PTGS2: variants seen among roughly 807,000 people sequenced by gnomAD.
The protein encoded by PTGS2 is prostaglandin G/H synthase 2.
A neutral mutation model predicts 63.8 loss-of-function variants in PTGS2; 14 were observed. That is an observed-to-expected ratio of 0.22 (90% CI 0.14 to 0.34). The LOEUF is 0.34. PTGS2 is among the 10% of genes least tolerant of loss of function. The pLI is 1.00. For synonymous variants in PTGS2, 271 were observed against 259.5 expected (o/e 1.04, Z -0.43); for missense variants, 533 against 738.5 (o/e 0.72, Z 3.23).
chr1:186,678,464 T>C lies in PTGS2; in HGVS notation c.314-60A>G, dbSNP rs993658313. 7.6e-6 allele frequency: 11 copies of C among 1,443,166 alleles called. No individual in the cohort carries two copies. In the African/African-American group the frequency reaches 1.0e-4, roughly 13 times the overall value. 89.4% of individuals were successfully genotyped at this position (1,443,166 alleles called of 1,614,324 possible). A position where few individuals can be genotyped will look rare whatever the true frequency, so the allele number is the denominator to read the frequency against. On this transcript the variant is annotated intron_variant, in intron 3 of 9. Transcript: ENST00000367468. The stretch of plus-strand genomic sequence containing the variant: ...TCTCATTTGTTAAGTAAATCAACCA[T>C]TATTTTTATTGTAAAATGTGGAAAG...
intron 4 of PTGS2, 93 bp from the exon 5 acceptor site, chr1:186,677,923 G>C: frequency 8.2e-7 from 1 of 1,226,048 alleles, no homozygotes; most frequent in South Asian, 1.4e-5. Flanking sequence ...TCATTTATAT[G>C]AGAATTACAA....
rs779244806 is a variant in PTGS2 at position 186,680,278 on chromosome 1, C to T, written c.13G>A (p.Ala5Thr). Residue 5 changes from alanine (A) to threonine (T), a missense_variant, in exon 1 of 10, where the codon GCC becomes ACC. Coordinates refer to ENST00000367468, the MANE Select transcript of PTGS2 (RefSeq NM_000963.4). MLAR[A>T]LLLCAVLALS... Reference sequence around the variant, plus strand: ...GCCAGGACCGCGCACAGCAGCAGGGCGCGGGCGAGCATCGCAGCGGCGGGC... The same window carrying T: ...GCCAGGACCGCGCACAGCAGCAGGGTGCGGGCGAGCATCGCAGCGGCGGGC... 3.9e-6 allele frequency: 6 copies of T among 1,544,338 alleles called. No homozygotes were observed. Among genetic ancestry groups the T allele is most frequent in the South Asian group, 3.6e-5 (3 of 83,718 alleles).
intron 8 of PTGS2, 152 bp from the exon 9 acceptor site, chr1:186,675,548 GAGCTCTGCTTAAAATTCAATGGGACACC>G (rs1191507610): frequency 1.1e-6 from 1 of 912,990 alleles, no homozygotes; most frequent in Non-Finnish European, 1.6e-6. Context: ...ATTTCAACAG[GAGCTCTGCTTAAAATTCAATGGGACACC>G]AGCCTAGAAC....
chr1:186,675,664 T>A, intron 8 of PTGS2: 1 of 613,404 alleles, frequency 1.6e-6, no homozygotes, highest in Non-Finnish European at 2.7e-6. Context: ...TTATAGATAC[T>A]TTTTGAAAAT....
chr1:186,678,923 G>T, intron 3 of PTGS2, 135 bp downstream of exon 3: 1 of 1,136,090 alleles, frequency 8.8e-7, no homozygotes, highest in Non-Finnish European at 1.2e-6. Flanking sequence ...CGATTAAGAT[G>T]GAAGGCAAAC....
At chr1:186,677,550 G>A in intron 5 of PTGS2, 99 bp downstream of exon 5, 3 of 1,225,370 alleles carry the variant, frequency 2.4e-6, no homozygotes, top group Non-Finnish European at 2.2e-6. Context: ...AAGTGGATAA[G>A]TTATTTGGAT....
chr1:186,674,346 T>C lies in PTGS2; in HGVS notation c.*7A>G, dbSNP rs1283691765. ...CATATAAATAAATAAATATGATCATTAGACTTCTACAGTTCAGTCGAACGT... is the reference window on the plus strand; with the variant it reads ...CATATAAATAAATAAATATGATCATCAGACTTCTACAGTTCAGTCGAACGT... On this transcript the variant is annotated 3_prime_UTR_variant, in exon 10 of 10. Transcript: ENST00000367468. 6 of 1,541,730 alleles carry C rather than the reference T, an allele frequency of 3.9e-6. No individual in the cohort carries two copies. Among genetic ancestry groups the C allele is most frequent in the Non-Finnish European group, 5.3e-6 (6 of 1,135,378 alleles).
At chr1:186,680,132 T>C (rs980255270) in intron 1 of PTGS2, 107 bp downstream of exon 1, 3 of 1,494,168 alleles carry the variant, frequency 2.0e-6, no homozygotes, top group Middle Eastern at 1.8e-4. Flanking sequence ...GTAGCTTCTC[T>C]ATTCGGAGAG....
Position 186,679,450 on chromosome 1 carries a change from G to A in PTGS2, c.53-12C>T. The A allele has an allele frequency of 6.4e-7, 1 of 1,566,970 alleles. No homozygotes were observed. Among genetic ancestry groups the A allele is most frequent in the South Asian group, 1.1e-5 (1 of 89,904 alleles). On this transcript the variant is annotated splice_polypyrimidine_tract_variant and intron_variant, in intron 1 of 9. Transcript: ENST00000367468. ...ACAGCAAGGATTTGCTGCAATTAAA[G>A]GACAGCAAATAAATCATTCTCTAGT...
intron 7 of PTGS2, 83 bp downstream of exon 7, chr1:186,676,384 G>T: frequency 6.5e-7 from 1 of 1,530,076 alleles, no homozygotes; most frequent in Non-Finnish European, 8.9e-7. Flanking sequence ...ACCACATCTT[G>T]TCATTTACTC....
chr1:186,676,728 A>G lies in PTGS2; in HGVS notation c.724-15T>C, dbSNP rs1665788575. ...CCATCAATTATCTAAAAAAATAAATAAATAAATAAACATCAGTTAAAAAGT... is the reference window on the plus strand; with the variant it reads ...CCATCAATTATCTAAAAAAATAAATGAATAAATAAACATCAGTTAAAAAGT... On this transcript the variant is annotated splice_polypyrimidine_tract_variant and intron_variant, in intron 6 of 9. Coordinates refer to ENST00000367468, the MANE Select transcript of PTGS2 (RefSeq NM_000963.4). 1 of 1,601,328 alleles carries G rather than the reference A, an allele frequency of 6.2e-7. No individual in the cohort carries two copies. Among genetic ancestry groups the G allele is most frequent in the Non-Finnish European group, 8.5e-7 (1 of 1,174,908 alleles).
Position 186,679,392 on chromosome 1 carries a change from C to A in PTGS2, c.99G>T (p.Met33Ile). 2 of 1,614,172 alleles carry A rather than the reference C, an allele frequency of 1.2e-6. No homozygotes were observed. The highest frequency in any genetic ancestry group is 2.2e-5 in the South Asian group (2 of 91,076). Residue 33 changes from methionine to isoleucine, a missense_variant, in exon 2 of 10, where the codon ATG becomes ATT. Met to Ile is a conservative substitution (Grantham distance 10, BLOSUM62 1). Coordinates refer to ENST00000367468, the MANE Select transcript of PTGS2 (RefSeq NM_000963.4). ...ACTTATACTGGTCAAATCCCACACT[C>A]ATACATACACCTCGGTTTTGACATG... is the stretch of plus-strand genomic sequence containing the variant. ...SHPCQNRGVCMSVGFDQYKCD... is the reference protein window; with the variant it reads ...SHPCQNRGVCISVGFDQYKCD...
chr1:186,678,157 C>A, intron 4 of PTGS2, 104 bp downstream of exon 4: 1 of 1,227,106 alleles, frequency 8.1e-7, no homozygotes, highest in Non-Finnish European at 1.1e-6. Flanking sequence ...GTAAAAACTG[C>A]TTTTGTTAAT....
intron 3 of PTGS2, 88 bp from the exon 4 acceptor site, chr1:186,678,492 G>A: frequency 7.9e-7 from 1 of 1,262,724 alleles, no homozygotes; most frequent in Non-Finnish European, 1.1e-6. Context: ...GTGGAAAGTG[G>A]CACCTGAGGT....
In PTGS2 at chr1:186,672,496, TA is replaced by T. The variant is rs3835508; in HGVS notation, c.*1856del. 5.8e-3 allele frequency: 880 copies of T among 151,070 alleles called. 7 individuals carry two copies. Among genetic ancestry groups the T allele is most frequent in the East Asian group, 0.034 (175 of 5,184 alleles). 9.4% of individuals were successfully genotyped at this position (151,070 alleles called of 1,614,324 possible). A position where few individuals can be genotyped will look rare whatever the true frequency, so the allele number is the denominator to read the frequency against. ...TTCAGAGAGGTAACCCCAAAGAAAA[TA>T]TACTGATTGTGACATAACAAAAAAA... On this transcript the variant is annotated 3_prime_UTR_variant, in exon 10 of 10. Coordinates refer to ENST00000367468, the MANE Select transcript of PTGS2 (RefSeq NM_000963.4).
At chr1:186,677,609 G>A in intron 5 of PTGS2, 40 bp downstream of exon 5, 1 of 1,507,718 alleles carries the variant, frequency 6.6e-7, no homozygotes, top group South Asian at 1.3e-5. Flanking sequence ...CTATGATTTG[G>A]TATAATTTTA....
rs1341821169 is a variant in PTGS2, at chr1:186,678,402, T to C, written c.316A>G (p.Arg106Gly). The change falls in exon 4 of 10, where the codon AGA becomes GGA. Residue 106 changes from arginine (R) to glycine (G), a missense_variant and splice_region_variant. Coordinates refer to ENST00000367468, the MANE Select transcript of PTGS2 (RefSeq NM_000963.4). Reference sequence around the variant, plus strand: ...GGTGGACTGTCAATCAAATGTGATCTGGCTGAAATTTTCAAAGAAAAAAAT... The same window carrying C: ...GGTGGACTGTCAATCAAATGTGATCCGGCTGAAATTTTCAAAGAAAAAAAT... ...NAIMSYVLTS[R>G]SHLIDSPPTY... 1 of 1,585,084 alleles carries C rather than the reference T, an allele frequency of 6.3e-7. No individual in the cohort carries two copies. The highest frequency in any genetic ancestry group is 8.6e-7 in the Non-Finnish European group (1 of 1,168,658).
chr1:186,677,838 A>G lies in PTGS2; in HGVS notation c.458-8T>C, dbSNP rs199612975. ...CAGGAAGCTGCTTTTTACCTGAAAA[A>G]TGAGAAAGCTAAGGTAAGAATCCAT... On this transcript the variant is annotated splice_region_variant and splice_polypyrimidine_tract_variant and intron_variant, in intron 4 of 9. Transcript: ENST00000367468. The G allele has an allele frequency of 2.5e-5, 40 of 1,612,776 alleles. No homozygotes were observed. In the East Asian group the frequency reaches 7.4e-4, roughly 30 times the overall value.
rs1406438080 is a variant in PTGS2, at chr1:186,680,306, G to A, written c.-16C>T. On this transcript the variant is annotated 5_prime_UTR_variant, in exon 1 of 10. Transcript: ENST00000367468. ...GGGCGAGCATCGCAGCGGCGGGCAG[G>A]GCGCGGCGCGGGGGTAGGCTTTGCT... 34 of 1,535,364 alleles carry A rather than the reference G, an allele frequency of 2.2e-5. No individual in the cohort carries two copies. The highest frequency in any genetic ancestry group is 2.9e-5 in the Non-Finnish European group (33 of 1,139,728).
Sources: gnomAD v4.1 joint callset for allele counts on GRCh38, gnomAD v4.1.1 for gene constraint, MANE v1.5 for transcripts, NCBI Gene and HGNC (gene_info 2026-07-23, HGNC 2026-07-21) for gene names.